Variants in ITPK1 observed in about 807,000 individuals in gnomAD.
ITPK1 encodes inositol 1,3,4-trisphosphate 5/6-kinase.
In ITPK1, 21 loss-of-function variants were observed where a neutral mutation model predicts 45.3. The ratio of observed to expected loss-of-function variants is 0.46; its 90% CI spans 0.33 to 0.67. The LOEUF is 0.67. ITPK1 is among the 30% of genes least tolerant of loss of function. The probability of loss-of-function intolerance (pLI) is 0.02; values close to 1 mark genes in which losing one functional copy is unlikely to be tolerated. For missense variants in ITPK1, 474 were observed against 573.5 expected (o/e 0.83, Z 1.77); for synonymous variants, 258 against 253.6 (o/e 1.02, Z -0.16).
chr14:93,107,407 G>A (rs1293737395), intron 2 of ITPK1, among the ~76,000 whole-genome samples: 1 of 152,258 alleles, frequency 6.6e-6, no homozygotes, highest in Non-Finnish European at 1.5e-5. Flanking sequence ...GAGCAAGTCA[G>A]AGAGGAAGAA....
intron 3 of ITPK1, among the ~76,000 whole-genome samples, chr14:93,061,516 G>C (rs1035248251): frequency 1.3e-5 from 2 of 152,190 alleles, no homozygotes; most frequent in Admixed American, 1.3e-4. Context: ...AGAAAGGAGG[G>C]GAGGGAGGGC....
chr14:93,095,581 T>G (rs554449576), intron 2 of ITPK1, among the ~76,000 whole-genome samples: 16 of 151,802 alleles, frequency 1.1e-4, no homozygotes, highest in African/African-American at 1.7e-4. Flanking sequence ...TAGGTTTTTT[T>G]TTTTTTTTTT....
chr14:93,096,893 A>C (rs962313423), intron 2 of ITPK1, among the ~76,000 whole-genome samples: 1 of 152,192 alleles, frequency 6.6e-6, no homozygotes, highest in Admixed American at 6.5e-5. Context: ...CAGGACACTG[A>C]CGTCACCGAG....
chr14:93,083,404 G>T (rs2139994641), intron 2 of ITPK1, among the ~76,000 whole-genome samples: 1 of 152,290 alleles, frequency 6.6e-6, no homozygotes, highest in East Asian at 1.9e-4. Flanking sequence ...CCCAGGGCAG[G>T]GTGGGGACCT....
intron 3 of ITPK1, among the ~76,000 whole-genome samples, chr14:93,057,730 G>A (rs1018227648): frequency 2.0e-5 from 3 of 152,136 alleles, no homozygotes; most frequent in Admixed American, 6.5e-5. Flanking sequence ...AGTCTCCTGC[G>A]GCCCCAGCCT....
At position 92,941,523 on chromosome 14, in the gene ITPK1, T is replaced by C. The variant is rs752007444; in HGVS notation, c.*38A>G. The C allele has an allele frequency of 1.2e-5, 18 of 1,499,724 alleles. No individual in the cohort carries two copies. Among genetic ancestry groups the C allele is most frequent in the Non-Finnish European group, 1.5e-5 (17 of 1,133,128 alleles). The allele number at this position is 1,499,724 out of a possible 1,614,324, so 92.9% of individuals were successfully genotyped here. Reference sequence around the variant, plus strand: ...AGCTGCTGGCCCAGCGGGTGTGCTCTGCGCCCTGCGCTGCCCCTCTGGGTC... The same window carrying C: ...AGCTGCTGGCCCAGCGGGTGTGCTCCGCGCCCTGCGCTGCCCCTCTGGGTC... On this transcript the variant is annotated 3_prime_UTR_variant, in exon 11 of 11. Coordinates refer to ENST00000267615, the MANE Select transcript of ITPK1 (RefSeq NM_014216.6).
At position 92,946,369 on chromosome 14, in the gene ITPK1, G is replaced by A. The variant is rs1281457496; in HGVS notation, c.863C>T (p.Thr288Ile). The A allele has an allele frequency of 6.2e-7, 1 of 1,613,486 alleles. No individual in the cohort carries two copies. Among genetic ancestry groups the A allele is most frequent in the Admixed American group, 1.7e-5 (1 of 60,028 alleles). The part of the protein sequence containing the change: ...FGIDIIINNQ[T>I]GQHAVIDINA... The stretch of plus-strand genomic sequence containing the variant: ...GATGTCAATGACGGCGTGCTGCCCT[G>A]TCTGGTTGTTGATGATGATGTCGAT... The change falls in exon 10 of 11, where the codon ACA becomes ATA. Residue 288 changes from threonine to isoleucine, a missense_variant. Around this residue, in one of 2 missense-constraint regions of ITPK1, gnomAD observed 367 missense variants for 480.6 expected, o/e 0.76. Transcript: ENST00000267615.
chr14:92,954,516 G>A (rs1888104996), intron 8 of ITPK1, among the ~76,000 whole-genome samples: 1 of 152,220 alleles, frequency 6.6e-6, no homozygotes, highest in African/African-American at 2.4e-5. Context: ...CATGCAGTCT[G>A]TTCCTGGACT....
intron 4 of ITPK1, among the ~76,000 whole-genome samples, chr14:92,994,229 A>G (rs749005615): frequency 5.9e-5 from 9 of 152,228 alleles, no homozygotes; most frequent in Non-Finnish European, 1.3e-4. Flanking sequence ...ACAGAGAGGA[A>G]ACTGCAACCA....
intron 2 of ITPK1, among the ~76,000 whole-genome samples, chr14:93,104,082 A>T (rs1031273353): frequency 2.0e-5 from 3 of 152,152 alleles, no homozygotes; most frequent in Non-Finnish European, 2.9e-5. Flanking sequence ...CCCACCTTAC[A>T]GTTGGGAGGG....
chr14:93,098,002 C>A (rs1892151190), intron 2 of ITPK1, among the ~76,000 whole-genome samples: 1 of 151,736 alleles, frequency 6.6e-6, no homozygotes, highest in Non-Finnish European at 1.5e-5. Context: ...AAGAGCAAAA[C>A]TCCATCTCAA....
At chr14:92,994,526 G>A (rs771923549) in intron 4 of ITPK1, among the ~76,000 whole-genome samples, 5 of 152,340 alleles carry the variant, frequency 3.3e-5, no homozygotes, top group Non-Finnish European at 5.9e-5. Flanking sequence ...AAGAGAAACC[G>A]TGACAAAAAC....
intron 3 of ITPK1, among the ~76,000 whole-genome samples, chr14:93,022,461 A>T (rs996789754): frequency 1.3e-5 from 2 of 151,276 alleles, no homozygotes; most frequent in African/African-American, 4.9e-5. Flanking sequence ...AGGTGGGAGG[A>T]TCATTTGAGC....
At chr14:93,068,937 C>G (rs1890872357) in intron 3 of ITPK1, 1 of 152,294 alleles carries the variant, frequency 6.6e-6, no homozygotes, top group African/African-American at 2.4e-5. Flanking sequence ...TCGGAAAGCG[C>G]CAGTGCTGGC....
At chr14:93,048,908 C>T (rs1469288848) in intron 3 of ITPK1, among the ~76,000 whole-genome samples, 1 of 152,098 alleles carries the variant, frequency 6.6e-6, no homozygotes, top group Non-Finnish European at 1.5e-5. Flanking sequence ...GAGGTCACAC[C>T]ACTGCACTCC....
Position 92,958,476 on chromosome 14 carries a change from C to G in ITPK1, c.505-110G>C. The G allele has an allele frequency of 9.3e-7, 1 of 1,074,420 alleles. No individual in the cohort carries two copies. The highest frequency in any genetic ancestry group is 1.4e-6 in the Non-Finnish European group (1 of 727,280). The allele number at this position is 1,074,420 out of a possible 1,614,324, so 66.6% of individuals were successfully genotyped here. On this transcript the variant is annotated intron_variant, in intron 7 of 10. Transcript: ENST00000267615. This position sits in a 1 kb window ranked among gnomAD's most constrained non-coding sequence, Gnocchi z 4.4. The stretch of plus-strand genomic sequence containing the variant: ...ACCTCCACCAAGGCCCATCCCTGGT[C>G]CTGTGGCATGAGGACTCCCCTAGAG...
intron 5 of ITPK1, among the ~76,000 whole-genome samples, chr14:92,984,662 T>C (rs1277704244): frequency 6.6e-6 from 1 of 152,190 alleles, no homozygotes; most frequent in Non-Finnish European, 1.5e-5. Flanking sequence ...TTTTCTCTTT[T>C]CCTTATTTTG....
chr14:92,952,858 T>C (rs1269832494), intron 8 of ITPK1, among the ~76,000 whole-genome samples: 1 of 152,230 alleles, frequency 6.6e-6, no homozygotes, highest in East Asian at 1.9e-4. Context: ...CTGGGAAGCA[T>C]TGGCACGCAA....
intron 4 of ITPK1, among the ~76,000 whole-genome samples, chr14:93,008,499 G>A (rs979399822): frequency 6.6e-6 from 1 of 152,234 alleles, no homozygotes; most frequent in African/African-American, 2.4e-5. Flanking sequence ...GTAGGGGCCA[G>A]GGCCAGATCC....
Sources: gnomAD v4.1 joint callset for allele counts (sites outside exome capture counted in the v4.1 genomes callset) on GRCh38, gnomAD v4.1.1 for gene constraint, gnomAD v4.1.1 regional missense constraint, Gnocchi (gnomAD v3.1) non-coding constraint, MANE v1.5 for transcripts, NCBI Gene and HGNC (gene_info 2026-07-23, HGNC 2026-07-21) for gene names.